SDAD1: variants seen among roughly 807,000 people sequenced by gnomAD.
The protein encoded by SDAD1 is SDA1 domain containing 1.
Under a neutral mutation model 100.3 loss-of-function variants are expected in SDAD1, and 79 were observed. The ratio of observed to expected loss-of-function variants is 0.79; its 90% CI spans 0.66 to 0.95. The LOEUF (loss-of-function observed/expected upper bound fraction) is 0.95, where lower values mean the gene tolerates loss of function less well. Ranked by LOEUF, SDAD1 falls within the 40% of genes least tolerant of loss-of-function variation. SDAD1 has a pLI of 0.00. For missense variants in SDAD1, 790 were observed against 810.9 expected (o/e 0.97, Z 0.31); for synonymous variants, 267 against 271.4 (o/e 0.98, Z 0.16).
At position 75,975,804 on chromosome 4, in the gene SDAD1, T is replaced by A. The variant is rs763127904; in HGVS notation, c.518A>T (p.Asn173Ile). 6.2e-7 allele frequency: 1 copy of A among 1,613,928 alleles called. No homozygotes were observed. Among genetic ancestry groups the A allele is most frequent in the African/African-American group, 1.3e-5 (1 of 74,932 alleles). The change falls in exon 6 of 22, where the codon AAT (asparagine) becomes ATT (isoleucine). Residue 173 changes from asparagine (N) to isoleucine (I), a missense_variant. Physicochemically the swap from Asn to Ile is moderately radical, Grantham distance 149. Transcript: ENST00000356260. ...TAAAGACATCTTGGCTGCGGTTGCA[T>A]TGCTATCTCTTAACATGGTGTACAT... ...NFMYTMLRDS[N>I]ATAAKMSLDV...
At chr4:75,953,864 T>G (rs573007906) in intron 21 of SDAD1, among the ~76,000 whole-genome samples, 29 of 152,312 alleles carry the variant, frequency 1.9e-4, no homozygotes, top group Non-Finnish European at 4.0e-4. Context: ...AAACTTGTTT[T>G]ATCACAATGA....
At chr4:75,956,775 T>G (rs990234938) in intron 20 of SDAD1, among the ~76,000 whole-genome samples, 8 of 152,228 alleles carry the variant, frequency 5.3e-5, no homozygotes, top group African/African-American at 1.9e-4. Context: ...CTCTCTACCT[T>G]GTTTTGAGTG....
At chr4:75,969,445 A>G in intron 10 of SDAD1, 46 bp from the exon 11 acceptor site, 1 of 1,302,894 alleles carries the variant, frequency 7.7e-7, no homozygotes, top group Admixed American at 1.7e-5. Context: ...TCTATGGTCT[A>G]TGTGACATTT....
intron 6 of SDAD1, among the ~76,000 whole-genome samples, chr4:75,975,057 A>C (rs1730084069): frequency 6.6e-6 from 1 of 151,872 alleles, no homozygotes; most frequent in African/African-American, 2.4e-5. Flanking sequence ...TTAATAAATA[A>C]ATAAAAATTA....
rs533901073 is a variant in SDAD1, at chr4:75,973,590, A to C, written c.637-199T>G. ...TAATAAATAATTTTAAAAACTAGAT[A>C]AAAACTGCTAGGCTCTATATAGTTA... is the stretch of plus-strand genomic sequence containing the variant. On this transcript the variant is annotated intron_variant, in intron 7 of 21. Transcript: ENST00000356260. 5.3e-5 allele frequency among the ~76,000 whole-genome samples: 8 copies of C among 152,320 alleles called. No individual in the cohort carries two copies. In the South Asian group the frequency reaches 1.7e-3, roughly 32 times the overall value.
intron 14 of SDAD1, among the ~76,000 whole-genome samples, chr4:75,963,017 T>C (rs1729335181): frequency 6.6e-6 from 1 of 152,240 alleles, no homozygotes. Context: ...AGGGTTTTTA[T>C]GGTTTTAGGC....
chr4:75,963,521 G>A (rs1165261072), intron 14 of SDAD1, among the ~76,000 whole-genome samples: 1 of 152,176 alleles, frequency 6.6e-6, no homozygotes, highest in Non-Finnish European at 1.5e-5. Context: ...CTATCCATGA[G>A]CATGGAATGT....
rs1244664998 is a variant in SDAD1 at position 75,962,156 on chromosome 4, TTC to T, written c.1182-850_1182-849del. On this transcript the variant is annotated intron_variant, in intron 14 of 21. Transcript: ENST00000356260. ...GAGTGAGAACATGTGGTGTTTGGTT[TTC>T]TGTCCTTGCGATAGTTTGCTAAGAA... 3.3e-5 allele frequency among the ~76,000 whole-genome samples: 5 copies of T among 152,350 alleles called. No individual in the cohort carries two copies. The East Asian group carries it at 9.6e-4, about 29-fold the overall frequency.
intron 17 of SDAD1, among the ~76,000 whole-genome samples, chr4:75,958,443 G>A (rs1254605140): frequency 6.6e-6 from 1 of 152,196 alleles, no homozygotes; most frequent in Non-Finnish European, 1.5e-5. Flanking sequence ...GAATATTTGG[G>A]ATGTTAAAGA....
chr4:75,962,562 C>T (rs6836404), intron 14 of SDAD1, among the ~76,000 whole-genome samples: 124,368 of 152,182 alleles, frequency 0.82, 52,887 homozygotes, highest in East Asian at 0.94. Flanking sequence ...CAGCACCTAT[C>T]GTTTCCTGAC....
At chr4:75,956,413 T>G (rs1347433956) in intron 20 of SDAD1, among the ~76,000 whole-genome samples, 3 of 151,114 alleles carry the variant, frequency 2.0e-5, no homozygotes, top group East Asian at 1.9e-4. Context: ...TTTTGTTTTT[T>G]TTTTTTTTGC....
At chr4:75,956,566 A>G (rs1433781258) in intron 20 of SDAD1, among the ~76,000 whole-genome samples, 1 of 152,184 alleles carries the variant, frequency 6.6e-6, no homozygotes, top group African/African-American at 2.4e-5. Flanking sequence ...ACAGTGTCTC[A>G]AACAAGTGGA....
In SDAD1 at chr4:75,957,951, A is replaced by G; in HGVS notation, c.1484-10T>C. On this transcript the variant is annotated splice_polypyrimidine_tract_variant and intron_variant, in intron 17 of 21. Transcript: ENST00000356260. ...GTACTTTCCCATCCATCTGCGTGAA[A>G]AAAGCAAACCCACTACTGCCATTTT... The G allele has an allele frequency of 6.2e-7, 1 of 1,610,280 alleles. No individual in the cohort carries two copies. Among genetic ancestry groups the G allele is most frequent in the Non-Finnish European group, 8.5e-7 (1 of 1,178,080 alleles).
intron 11 of SDAD1, among the ~76,000 whole-genome samples, chr4:75,968,676 A>G (rs1729690188): frequency 6.6e-6 from 1 of 152,214 alleles, no homozygotes; most frequent in South Asian, 2.1e-4. Flanking sequence ...CAATTAAAAT[A>G]TGTGCATTAT....
chr4:75,954,559 G>C (rs1365692068), intron 21 of SDAD1, among the ~76,000 whole-genome samples: 1 of 152,148 alleles, frequency 6.6e-6, no homozygotes, highest in Non-Finnish European at 1.5e-5. Flanking sequence ...TGTAGTCCCA[G>C]CTACTTGGAG....
rs1423568971 is a variant in SDAD1 at position 75,975,775 on chromosome 4, C to T, written c.547G>A (p.Val183Ile). ...NATAAKMSLD[V>I]MIELYRRNIW... ...TTCCTTCTGTAGAGTTCAATCATTA[C>T]ATCTAAAGACATCTTGGCTGCGGTT... Residue 183 changes from valine to isoleucine, a missense_variant, in exon 6 of 22, where the codon GTA becomes ATA. Physicochemically the swap from Val to Ile is conservative, Grantham distance 29. Coordinates refer to ENST00000356260, the MANE Select transcript of SDAD1 (RefSeq NM_018115.4). 5 of 1,613,662 alleles carry T rather than the reference C, an allele frequency of 3.1e-6. No homozygotes were observed. Among genetic ancestry groups the T allele is most frequent in the Non-Finnish European group, 4.2e-6 (5 of 1,179,632 alleles).
At position 75,974,057 on chromosome 4, in the gene SDAD1, C is replaced by T. The variant is rs1730015479; in HGVS notation, c.636+19G>A. The T allele has an allele frequency of 6.2e-7, 1 of 1,609,130 alleles. No individual in the cohort carries two copies. Among genetic ancestry groups the T allele is most frequent in the African/African-American group, 1.3e-5 (1 of 74,794 alleles). ...ACCATCCACAGACAGAGCTTACACACAGCCCTATAGGTGCTCACCTTGGTG... is the reference window on the plus strand; with the variant it reads ...ACCATCCACAGACAGAGCTTACACATAGCCCTATAGGTGCTCACCTTGGTG... On this transcript the variant is annotated intron_variant, in intron 7 of 21. Coordinates refer to ENST00000356260, the MANE Select transcript of SDAD1 (RefSeq NM_018115.4).
intron 1 of SDAD1, among the ~76,000 whole-genome samples, chr4:75,988,954 C>T (rs991358000): frequency 6.6e-6 from 1 of 152,116 alleles, no homozygotes; most frequent in Non-Finnish European, 1.5e-5. Context: ...ATATTAGTTA[C>T]CCTGCTTCCA....
intron 1 of SDAD1, among the ~76,000 whole-genome samples, chr4:75,989,685 C>A (rs1731119386): frequency 6.6e-6 from 1 of 152,214 alleles, no homozygotes; most frequent in Non-Finnish European, 1.5e-5. Flanking sequence ...ACTTTCTTTG[C>A]GAATGGCTAT....
Sources: allele counts gnomAD v4.1 joint callset (sites outside exome capture counted in the v4.1 genomes callset), GRCh38; gene constraint gnomAD v4.1.1; transcripts MANE v1.5; gene names NCBI Gene and HGNC (gene_info 2026-07-23, HGNC 2026-07-21).